Variants in PIBF1 observed in about 807,000 individuals in gnomAD.
PIBF1 encodes the protein progesterone immunomodulatory binding factor 1.
Under a neutral mutation model 112.5 loss-of-function variants are expected in PIBF1, and 90 were observed. The observed-to-expected ratio is 0.80, with a 90% CI of 0.67 to 0.95. PIBF1 has a LOEUF of 0.95. PIBF1 is among the 40% of genes least tolerant of loss of function. The pLI is 0.00. For synonymous variants in PIBF1, 301 were observed against 288.6 expected (o/e 1.04, Z -0.44); for missense variants, 915 against 852.3 (o/e 1.07, Z -0.92).
At chr13:73,015,105 C>T (rs893691862) in intron 17 of PIBF1, among the ~76,000 whole-genome samples, 6 of 150,346 alleles carry the variant, frequency 4.0e-5, no homozygotes, top group Admixed American at 1.3e-4. Flanking sequence ...CTTCTCACCT[C>T]CATCTCCCGT....
chr13:72,795,614 C>T, intron 4 of PIBF1, 57 bp downstream of exon 4: 1 of 1,068,790 alleles, frequency 9.4e-7, no homozygotes, highest in Non-Finnish European at 1.4e-6. Context: ...TAAAATTTAC[C>T]ATTTATATAG....
chr13:72,963,880 G>T (rs2042670931), intron 14 of PIBF1, among the ~76,000 whole-genome samples: 1 of 152,108 alleles, frequency 6.6e-6, no homozygotes, highest in African/African-American at 2.4e-5. Context: ...TTTCTTGCTG[G>T]TAGGAATGTA....
At chr13:72,929,153 T>C (rs776586442) in intron 13 of PIBF1, among the ~76,000 whole-genome samples, 3 of 152,194 alleles carry the variant, frequency 2.0e-5, no homozygotes, top group Admixed American at 6.5e-5. Context: ...CTAACATGTA[T>C]GAAGAGTAAG....
chr13:72,896,984 A>G (rs2040305462), intron 11 of PIBF1, among the ~76,000 whole-genome samples: 1 of 152,206 alleles, frequency 6.6e-6, no homozygotes, highest in Non-Finnish European at 1.5e-5. Context: ...ATTTTCGCCT[A>G]GGCACATTGT....
chr13:72,825,638 A>C (rs995315952), intron 6 of PIBF1, among the ~76,000 whole-genome samples: 3 of 152,226 alleles, frequency 2.0e-5, no homozygotes, highest in Non-Finnish European at 4.4e-5. Flanking sequence ...CATTCTCCAC[A>C]TATACCGTTA....
chr13:72,927,097 A>G (rs2041510102), intron 13 of PIBF1, among the ~76,000 whole-genome samples: 1 of 149,924 alleles, frequency 6.7e-6, no homozygotes, highest in Non-Finnish European at 1.5e-5. Context: ...AGTCTCACTC[A>G]GTTGCCTAGG....
chr13:72,842,985 T>C (rs2037679750), intron 9 of PIBF1, among the ~76,000 whole-genome samples: 1 of 152,210 alleles, frequency 6.6e-6, no homozygotes, highest in Non-Finnish European at 1.5e-5. Context: ...GTTCCAGATA[T>C]GAAGCAAGGT....
chr13:72,998,993 T>C lies in PIBF1; in HGVS notation c.2221T>C (p.Phe741Leu). The C allele has an allele frequency of 6.4e-7, 1 of 1,551,410 alleles. No homozygotes were observed. The highest frequency in any genetic ancestry group is 1.9e-5 in the Admixed American group (1 of 52,480). Residue 741 changes from phenylalanine (F) to leucine (L), a missense_variant and splice_region_variant, in exon 17 of 18, where the codon TTT becomes CTT. Phe to Leu is a conservative substitution (Grantham distance 22, BLOSUM62 0). Coordinates refer to ENST00000326291, the MANE Select transcript of PIBF1 (RefSeq NM_006346.4). ...TATATTTACACCTAAACCAACACTCTTTGTAAGTACAATTTTTAAAACTCA... is the reference window on the plus strand; with the variant it reads ...TATATTTACACCTAAACCAACACTCCTTGTAAGTACAATTTTTAAAACTCA... ...DNIFTPKPTL[F>L]TKKEAPEWSK...
chr13:72,903,503 A>G (rs747650720), intron 11 of PIBF1, among the ~76,000 whole-genome samples: 1 of 152,214 alleles, frequency 6.6e-6, no homozygotes, highest in Non-Finnish European at 1.5e-5. Flanking sequence ...AATATTCTAT[A>G]TCTGCAATAT....
At chr13:72,906,122 A>G (rs2040695969) in intron 11 of PIBF1, among the ~76,000 whole-genome samples, 1 of 152,148 alleles carries the variant, frequency 6.6e-6, no homozygotes, top group South Asian at 2.1e-4. Flanking sequence ...CTTATTTATA[A>G]TTAATTTATA....
chr13:72,930,452 G>T (rs570739186), intron 13 of PIBF1, among the ~76,000 whole-genome samples: 2 of 152,178 alleles, frequency 1.3e-5, no homozygotes, highest in East Asian at 3.9e-4. Context: ...GTTCTTTAAA[G>T]AAATATACCA....
chr13:72,820,854 C>T (rs1242693840), intron 5 of PIBF1, among the ~76,000 whole-genome samples: 1 of 152,136 alleles, frequency 6.6e-6, no homozygotes, highest in African/African-American at 2.4e-5. Flanking sequence ...GAATTTAGTC[C>T]CGTCTGCTTC....
intron 13 of PIBF1, among the ~76,000 whole-genome samples, chr13:72,925,028 T>C (rs2041433541): frequency 6.6e-6 from 1 of 152,118 alleles, no homozygotes; most frequent in Admixed American, 6.5e-5. Flanking sequence ...GAAAACATAT[T>C]TGTGAGACGT....
chr13:72,959,949 T>A (rs2042560613), intron 14 of PIBF1, among the ~76,000 whole-genome samples: 1 of 152,196 alleles, frequency 6.6e-6, no homozygotes, highest in Non-Finnish European at 1.5e-5. Flanking sequence ...TTTTGAATAG[T>A]AATTATTATA....
At position 72,782,281 on chromosome 13, in the gene PIBF1, C is replaced by T. The variant is rs941749058; in HGVS notation, c.-116C>T. 3.1e-5 allele frequency: 5 copies of T among 162,144 alleles called. No homozygotes were observed. The highest frequency in any genetic ancestry group is 2.7e-3 in the Middle Eastern group (1 of 372). 10.0% of individuals were successfully genotyped at this position (162,144 alleles called of 1,614,324 possible). A position where few individuals can be genotyped will look rare whatever the true frequency, so the allele number is the denominator to read the frequency against. ...ACCTTGTGCTTCCGACCGGAGACGC[C>T]TTTGGTCCCTCGGTGTCTGCACTGG... On this transcript the variant is annotated 5_prime_UTR_variant, in exon 1 of 18. Transcript: ENST00000326291.
At position 72,821,969 on chromosome 13, in the gene PIBF1, G is replaced by T. The variant is rs760173850; in HGVS notation, c.793G>T (p.Asp265Tyr). 26 of 1,611,328 alleles carry T rather than the reference G, an allele frequency of 1.6e-5. No individual in the cohort carries two copies. In the East Asian group the frequency reaches 5.8e-4, roughly 36 times the overall value. ...QQGDYRQENY[D>Y]KVKSERDALE... ...AGGTGACTACCGTCAAGAGAACTAT[G>T]ATAAAGTCAAGAGGTAAGTAGTTAA... The change falls in exon 6 of 18, where the codon GAT (aspartate) becomes TAT (tyrosine). Residue 265 changes from aspartate to tyrosine, a missense_variant. Physicochemically the swap from Asp to Tyr is radical, Grantham distance 160 (BLOSUM62 -3). Coordinates refer to ENST00000326291, the MANE Select transcript of PIBF1 (RefSeq NM_006346.4).
intron 11 of PIBF1, among the ~76,000 whole-genome samples, chr13:72,903,021 G>A (rs1442679760): frequency 1.3e-5 from 2 of 151,142 alleles, no homozygotes; most frequent in Non-Finnish European, 1.5e-5. Flanking sequence ...TCAGCCTCCC[G>A]AGTAGCTAAG....
Position 72,955,373 on chromosome 13 carries a change from T to TTGTGTG in PIBF1, c.1834-9879_1834-9874dup, listed in dbSNP as rs150485983. Among the ~76,000 whole-genome samples the TTGTGTG allele has an allele frequency of 7.8e-4, 115 of 147,778 alleles. 1 individual carries two copies. The highest frequency in any genetic ancestry group is 1.3e-3 in the Non-Finnish European group (89 of 66,632). ...CACCAGGTCATATAAATGTGTGTGTTTGTGTGTGTGTGTGTGTGTGTGTGT... is the reference window on the plus strand; with the variant it reads ...CACCAGGTCATATAAATGTGTGTGTTTGTGTGTGTGTGTGTGTGTGTGTGTGTGTGT... On this transcript the variant is annotated intron_variant, in intron 14 of 17. Coordinates refer to ENST00000326291, the MANE Select transcript of PIBF1 (RefSeq NM_006346.4).
At chr13:72,871,508 G>T (rs1055609143) in intron 10 of PIBF1, among the ~76,000 whole-genome samples, 1 of 152,130 alleles carries the variant, frequency 6.6e-6, no homozygotes, top group Non-Finnish European at 1.5e-5. Flanking sequence ...GTTTCCCCAT[G>T]TTGGCCAGGC....
Sources: gnomAD v4.1 joint callset for allele counts (sites outside exome capture counted in the v4.1 genomes callset) on GRCh38, gnomAD v4.1.1 for gene constraint, MANE v1.5 for transcripts, NCBI Gene and HGNC (gene_info 2026-07-23, HGNC 2026-07-21) for gene names.